ENPP2: variants seen among roughly 807,000 people sequenced by gnomAD.
ENPP2 encodes autotaxin.
Under a neutral mutation model 120.2 loss-of-function variants are expected in ENPP2, and 51 were observed. The ratio of observed to expected loss-of-function variants is 0.42; its 90% CI spans 0.34 to 0.54. The LOEUF is 0.54. Among genes scored for constraint, ENPP2 ranks in the 20% least tolerant of loss-of-function variants. The pLI is 0.04. For missense variants in ENPP2, 920 were observed against 1,066.5 expected, an observed-to-expected ratio of 0.86 and a Z score of 1.91; for synonymous variants, 365 against 366.4, an observed-to-expected ratio of 1.00 and a Z score of 0.04.
intron 23 of ENPP2, among the ~76,000 whole-genome samples, chr8:119,563,554 T>G (rs979838453): frequency 3.9e-5 from 6 of 152,230 alleles, no homozygotes; most frequent in Middle Eastern, 3.4e-3. Context: ...ATGCAGAACT[T>G]GATACAAAGA....
chr8:119,582,397 A>C, intron 18 of ENPP2, 21 bp downstream of exon 18: 1 of 1,602,220 alleles, frequency 6.2e-7, no homozygotes, highest in Non-Finnish European at 8.5e-7. Context: ...TCTCCATAAT[A>C]AACATAAAGA....
At chr8:119,661,540 A>G (rs766131504) in intron 1 of ENPP2, among the ~76,000 whole-genome samples, 1 of 152,196 alleles carries the variant, frequency 6.6e-6, no homozygotes, top group East Asian at 1.9e-4. Flanking sequence ...AAGGGTGTGG[A>G]GAAAAGGAAA....
At position 119,570,830 on chromosome 8, in the gene ENPP2, G is replaced by A. The variant is rs1440782070; in HGVS notation, c.1792C>T (p.Leu598Phe). The A allele has an allele frequency of 1.3e-6, 2 of 1,551,746 alleles. No homozygotes were observed. Among genetic ancestry groups the A allele is most frequent in the African/African-American group, 1.4e-5 (1 of 71,186 alleles). Reference sequence around the variant, plus strand: ...TAAAGCACTGCAGGTCGCCCATAGAGGAGGTGTCTCTCTAAAAAAGAAAAA... The same window carrying A: ...TAAAGCACTGCAGGTCGCCCATAGAAGAGGTGTCTCTCTAAAAAAGAAAAA... ...TKGSTEERHLLYGRPAVLYRT... is the reference protein window; with the variant it reads ...TKGSTEERHLFYGRPAVLYRT... Residue 598 changes from leucine to phenylalanine, a missense_variant, in exon 20 of 25, where the codon CTC becomes TTC. Coordinates refer to ENST00000075322, the MANE Select transcript of ENPP2 (RefSeq NM_001040092.3).
At chr8:119,618,539 G>A in intron 5 of ENPP2, 1 of 325,530 alleles carries the variant, frequency 3.1e-6, no homozygotes, top group Non-Finnish European at 5.9e-6. Flanking sequence ...ATGTCCCACT[G>A]CCTTGGATGC....
At chr8:119,596,068 T>C in intron 11 of ENPP2, 1 of 1,472,938 alleles carries the variant, frequency 6.8e-7, no homozygotes, top group South Asian at 1.2e-5. Context: ...GATATAAAGC[T>C]TACACTTTCC....
intron 7 of ENPP2, 56 bp downstream of exon 7, chr8:119,617,108 G>C (rs899234650): frequency 9.1e-7 from 1 of 1,094,418 alleles, no homozygotes; most frequent in African/African-American, 1.5e-5. Context: ...CTCCTTTAAA[G>C]TCATTCCAGG....
intron 2 of ENPP2, among the ~76,000 whole-genome samples, chr8:119,632,157 C>T (rs1236288873): frequency 6.6e-6 from 1 of 152,166 alleles, no homozygotes; most frequent in South Asian, 2.1e-4. Context: ...CTTTACTTGA[C>T]CTAAATCAAG....
At chr8:119,621,306 T>C in intron 4 of ENPP2, 88 bp downstream of exon 4, 2 of 1,132,308 alleles carry the variant, frequency 1.8e-6, no homozygotes, top group Non-Finnish European at 2.7e-6. Flanking sequence ...TCATATCCAG[T>C]GTGGTCTATT....
At chr8:119,632,938 G>A (rs1189745302) in intron 2 of ENPP2, among the ~76,000 whole-genome samples, 1 of 152,152 alleles carries the variant, frequency 6.6e-6, no homozygotes, top group Admixed American at 6.6e-5. Flanking sequence ...GCATGGGGGT[G>A]CACACCTGTA....
intron 9 of ENPP2, among the ~76,000 whole-genome samples, chr8:119,603,420 G>A (rs1374101): frequency 0.51 from 77,435 of 151,954 alleles, 20,065 homozygotes; most frequent in South Asian, 0.7. Context: ...GAATGCCCTC[G>A]TTGGATGGGG....
chr8:119,586,806 T>C (rs1813145392), intron 14 of ENPP2, among the ~76,000 whole-genome samples: 1 of 152,242 alleles, frequency 6.6e-6, no homozygotes, highest in African/African-American at 2.4e-5. Context: ...TTTTCAGTTC[T>C]AATGGAAGGA....
At chr8:119,580,385 T>C (rs1812650995) in intron 18 of ENPP2, 2 of 572,894 alleles carry the variant, frequency 3.5e-6, no homozygotes, top group Non-Finnish European at 6.2e-6. Flanking sequence ...CCTTCTTCAA[T>C]CTCTGTTTCC....
intron 22 of ENPP2, among the ~76,000 whole-genome samples, chr8:119,565,892 A>T (rs1814387219): frequency 6.6e-6 from 1 of 151,988 alleles, no homozygotes; most frequent in African/African-American, 2.4e-5. Flanking sequence ...ACACACACAC[A>T]CACACCACCC....
Position 119,562,880 on chromosome 8 carries a change from G to T in ENPP2, c.2398C>A (p.Pro800Thr). Reference protein sequence around the residue: ...SVSSFILPHRPDNEESCNSSE... With the variant: ...SVSSFILPHRTDNEESCNSSE... ...ACATTGCAGCTCTCCTCGTTGTCAG[G>T]CCGGTGAGGCAGGATGAAGGAGGAC... The change falls in exon 24 of 25, where the codon CCT becomes ACT. Residue 800 changes from proline to threonine, a missense_variant. By Grantham distance (38) the Pro-to-Thr change is conservative. Coordinates refer to ENST00000075322, the MANE Select transcript of ENPP2 (RefSeq NM_001040092.3). 3 of 1,614,106 alleles carry T rather than the reference G, an allele frequency of 1.9e-6. No homozygotes were observed. Among genetic ancestry groups the T allele is most frequent in the Non-Finnish European group, 1.7e-6 (2 of 1,179,996 alleles).
At chr8:119,644,138 G>C (rs945361643) in intron 1 of ENPP2, among the ~76,000 whole-genome samples, 1 of 152,070 alleles carries the variant, frequency 6.6e-6, no homozygotes, top group Non-Finnish European at 1.5e-5. Context: ...CCCTTAAAAG[G>C]CTTAAGCAGG....
At chr8:119,623,755 A>T (rs1158239900) in intron 3 of ENPP2, among the ~76,000 whole-genome samples, 1 of 151,916 alleles carries the variant, frequency 6.6e-6, no homozygotes, top group East Asian at 1.9e-4. Context: ...CTTCCCAAGA[A>T]ACTGGGATTA....
intron 3 of ENPP2, among the ~76,000 whole-genome samples, chr8:119,622,976 T>C (rs1816010507): frequency 1.3e-5 from 2 of 152,036 alleles, no homozygotes; most frequent in Admixed American, 1.3e-4. Context: ...TAGAGAAAGA[T>C]AGGGTGAAAT....
chr8:119,595,695 T>C (rs1813835985), intron 11 of ENPP2: 4 of 708,362 alleles, frequency 5.6e-6, no homozygotes, highest in Non-Finnish European at 9.9e-6. Context: ...TGTTAACCTC[T>C]GAAGTACCAC....
At chr8:119,570,581 G>T in intron 20 of ENPP2, 124 bp downstream of exon 20, 1 of 580,052 alleles carries the variant, frequency 1.7e-6, no homozygotes. Flanking sequence ...TCCAACATAG[G>T]ATTTCTGTCA....
Sources: allele counts gnomAD v4.1 joint callset (sites outside exome capture counted in the v4.1 genomes callset), GRCh38; gene constraint gnomAD v4.1.1; transcripts MANE v1.5; gene names NCBI Gene and HGNC (gene_info 2026-07-23, HGNC 2026-07-21).